LRP1B: variants seen among roughly 807,000 people sequenced by gnomAD.
The protein encoded by LRP1B is low-density lipoprotein receptor-related protein 1B.
In LRP1B, 217 loss-of-function variants were observed where a neutral mutation model predicts 556.6. That is an observed-to-expected ratio of 0.39 (90% CI 0.35 to 0.44). The LOEUF (loss-of-function observed/expected upper bound fraction) is 0.44. Ranked by LOEUF, LRP1B falls within the 20% of genes least tolerant of loss-of-function variation. The probability of loss-of-function intolerance (pLI) is 1.00; values close to 1 mark genes in which losing one functional copy is unlikely to be tolerated. For synonymous variants in LRP1B, 2,047 were observed against 1,865.8 expected, an observed-to-expected ratio of 1.10 and a Z score of -2.50; for missense variants, 5,053 against 5,620.8, an observed-to-expected ratio of 0.90 and a Z score of 3.23.
At chr2:140,293,039 A>G (rs10496840) in intron 84 of LRP1B, among the ~76,000 whole-genome samples, 56,651 of 151,964 alleles carry the variant, frequency 0.37, 11,645 homozygotes, top group African/African-American at 0.54. Context: ...ACCAGGGAGA[A>G]TAAGCTGTAC....
At chr2:141,666,263 T>C (rs563993119) in intron 2 of LRP1B, among the ~76,000 whole-genome samples, 46 of 152,312 alleles carry the variant, frequency 3.0e-4, no homozygotes, top group Non-Finnish European at 5.4e-4. Flanking sequence ...CAATGTTATC[T>C]TGTATCACCT....
At chr2:141,434,568 T>G (rs750969623) in intron 3 of LRP1B, among the ~76,000 whole-genome samples, 70 of 152,196 alleles carry the variant, frequency 4.6e-4, no homozygotes, top group Admixed American at 1.6e-3. Flanking sequence ...TGAAGTCTGT[T>G]TCTAAATGTA....
chr2:141,353,568 T>C (rs940785987), intron 3 of LRP1B, among the ~76,000 whole-genome samples: 1 of 152,028 alleles, frequency 6.6e-6, no homozygotes, highest in Non-Finnish European at 1.5e-5. Context: ...TGATCTATTA[T>C]TTTAAGCATT....
intron 1 of LRP1B, among the ~76,000 whole-genome samples, chr2:141,815,557 G>GCTCTGTAAAATGCACCAATCAGCA (rs1428338890): frequency 1.3e-5 from 2 of 152,008 alleles, no homozygotes; most frequent in Non-Finnish European, 2.9e-5. Flanking sequence ...ACCAATCAGT[G>GCTCTGTAAAATGCACCAATCAGCA]CTCTGTAAAA....
chr2:141,676,346 A>C (rs1056151713), intron 2 of LRP1B, among the ~76,000 whole-genome samples: 4 of 152,096 alleles, frequency 2.6e-5, no homozygotes, highest in Admixed American at 2.0e-4. Flanking sequence ...CATGTTGACC[A>C]TTGTTCCAAA....
intron 1 of LRP1B, among the ~76,000 whole-genome samples, chr2:141,953,036 A>C (rs1701152647): frequency 6.6e-6 from 1 of 151,992 alleles, no homozygotes; most frequent in Non-Finnish European, 1.5e-5. Context: ...TCATTTTTTT[A>C]ATGTATTGGA....
intron 3 of LRP1B, among the ~76,000 whole-genome samples, chr2:141,324,115 C>CACAA (rs1491140154): frequency 9.1e-6 from 1 of 109,960 alleles, no homozygotes; most frequent in African/African-American, 3.0e-5. Flanking sequence ...ACAAAGAAAT[C>CACAA]ACACACACAC....
intron 2 of LRP1B, among the ~76,000 whole-genome samples, chr2:141,680,732 G>T (rs1691070376): frequency 6.6e-6 from 1 of 152,122 alleles, no homozygotes; most frequent in East Asian, 1.9e-4. Flanking sequence ...GCTCAATAAA[G>T]TTGCAAAATT....
chr2:141,605,397 G>T (rs910588850), intron 2 of LRP1B, among the ~76,000 whole-genome samples: 1 of 151,198 alleles, frequency 6.6e-6, no homozygotes, highest in Non-Finnish European at 1.5e-5. Flanking sequence ...TTTTGAAAAA[G>T]GTCCTATTTG....
At chr2:141,689,389 C>A (rs1558805835) in intron 2 of LRP1B, among the ~76,000 whole-genome samples, 2 of 151,710 alleles carry the variant, frequency 1.3e-5, no homozygotes, top group South Asian at 4.1e-4. Context: ...ACACAAAACA[C>A]AAACAAACTC....
chr2:140,478,295 G>A (rs1688060416), intron 59 of LRP1B, among the ~76,000 whole-genome samples: 1 of 151,686 alleles, frequency 6.6e-6, no homozygotes, highest in Non-Finnish European at 1.5e-5. Flanking sequence ...GACTACAGGG[G>A]CCCGCCACCA....
rs1330590676 is a variant in LRP1B at position 141,501,824 on chromosome 2, G to T, written c.206-21291C>A. Among the ~76,000 whole-genome samples, 9 of 152,258 alleles carry T rather than the reference G, an allele frequency of 5.9e-5. 1 individual carries two copies. The highest frequency in any genetic ancestry group is 2.2e-4 in the African/African-American group (9 of 41,564). On this transcript the variant is annotated intron_variant, in intron 2 of 90. Coordinates refer to ENST00000389484, the MANE Select transcript of LRP1B (RefSeq NM_018557.3). ...ATATTATTTGGTTGGTAGATTAAGA[G>T]AAATTGCTATAGAACTGATGTCAGA...
rs573594582 is a variant in LRP1B at position 141,235,998 on chromosome 2, A to T, written c.593-6558T>A. On this transcript the variant is annotated intron_variant, in intron 5 of 90. Transcript: ENST00000389484. The stretch of plus-strand genomic sequence containing the variant: ...CCAGTGTTAATTTTAGAAATACAGT[A>T]TAATGTGATCAAAACTATGCTTTAA... 2.6e-5 allele frequency among the ~76,000 whole-genome samples: 4 copies of T among 152,292 alleles called. No homozygotes were observed. In the South Asian group the frequency reaches 8.3e-4, roughly 32 times the overall value.
intron 2 of LRP1B, among the ~76,000 whole-genome samples, chr2:141,621,261 G>A (rs572497248): frequency 3.5e-4 from 53 of 152,122 alleles, no homozygotes; most frequent in Admixed American, 1.7e-3. Context: ...TAAAAATTAC[G>A]TGGAAAGGGG....
At chr2:141,766,382 G>A (rs182021021) in intron 2 of LRP1B, among the ~76,000 whole-genome samples, 4 of 152,252 alleles carry the variant, frequency 2.6e-5, no homozygotes, top group East Asian at 1.9e-4. Flanking sequence ...TGTAACAGAC[G>A]CTACCTTTCA....
chr2:141,589,271 T>G (rs1687248397), intron 2 of LRP1B, among the ~76,000 whole-genome samples: 1 of 151,694 alleles, frequency 6.6e-6, no homozygotes, highest in Non-Finnish European at 1.5e-5. Context: ...GTTTGTTTTC[T>G]TAAAACTGAT....
intron 83 of LRP1B, among the ~76,000 whole-genome samples, chr2:140,307,103 C>T (rs1178864217): frequency 6.6e-6 from 1 of 151,798 alleles, no homozygotes; most frequent in Admixed American, 6.6e-5. Flanking sequence ...AAATATTTCA[C>T]CACTAATATT....
intron 43 of LRP1B, among the ~76,000 whole-genome samples, chr2:140,543,498 A>G (rs1680212034): frequency 6.6e-6 from 1 of 151,946 alleles, no homozygotes. Flanking sequence ...ACTAAAGAAG[A>G]AAACTCATAT....
At chr2:141,266,854 T>C (rs1233984575) in intron 3 of LRP1B, among the ~76,000 whole-genome samples, 2 of 152,204 alleles carry the variant, frequency 1.3e-5, no homozygotes, top group South Asian at 2.1e-4. Flanking sequence ...GGTTTATTCA[T>C]TGACACAATT....
Sources: allele counts gnomAD v4.1 joint callset (sites outside exome capture counted in the v4.1 genomes callset), GRCh38; gene constraint gnomAD v4.1.1; transcripts MANE v1.5; gene names NCBI Gene and HGNC (gene_info 2026-07-23, HGNC 2026-07-21).